OPCML: variants seen among roughly 807,000 people sequenced by gnomAD.
The protein encoded by OPCML is opioid-binding protein/cell adhesion molecule.
OPCML carries 13 observed loss-of-function variants against 37.8 expected under a neutral mutation model. That is an observed-to-expected ratio of 0.34 (90% CI 0.22 to 0.55). The LOEUF (loss-of-function observed/expected upper bound fraction) is 0.55. Ranked by LOEUF, OPCML falls within the 20% of genes least tolerant of loss-of-function variation. The pLI is 0.91. For missense variants in OPCML, 341 were observed against 435.6 expected, an observed-to-expected ratio of 0.78 and a Z score of 1.93; for synonymous variants, 176 against 168.8, an observed-to-expected ratio of 1.04 and a Z score of -0.33.
intron 1 of OPCML, among the ~76,000 whole-genome samples, chr11:133,089,597 T>C (rs1948873394): frequency 6.6e-6 from 1 of 152,212 alleles, no homozygotes; most frequent in Non-Finnish European, 1.5e-5. Flanking sequence ...TTAGTTGTTC[T>C]GGGAGTCACA....
chr11:133,299,590 G>C (rs551219273), intron 1 of OPCML: 24 of 152,340 alleles, frequency 1.6e-4, no homozygotes, highest in African/African-American at 5.8e-4. Flanking sequence ...TTAAAAGTGA[G>C]TTAATACGTA....
Position 132,660,104 on chromosome 11 carries a change from G to A in OPCML, c.147-2785C>T, listed in dbSNP as rs554921893. On this transcript the variant is annotated intron_variant, in intron 2 of 7. Coordinates refer to ENST00000524381, the MANE Select transcript of OPCML (RefSeq NM_001012393.5). Reference sequence around the variant, plus strand: ...TTAAGCAATAATTAAACATGAAAAAGCAAACTTACTAGAAATATAGCTTTT... The same window carrying A: ...TTAAGCAATAATTAAACATGAAAAAACAAACTTACTAGAAATATAGCTTTT... Among the ~76,000 whole-genome samples the A allele has an allele frequency of 5.0e-4, 76 of 152,160 alleles. No homozygotes were observed. In the South Asian group the frequency reaches 0.016, roughly 32 times the overall value.
chr11:132,987,347 T>C (rs558909496), intron 1 of OPCML, among the ~76,000 whole-genome samples: 2 of 152,080 alleles, frequency 1.3e-5, no homozygotes, highest in African/African-American at 4.8e-5. Context: ...AGCTTTCATG[T>C]AGATGTAAGA....
chr11:132,580,624 T>C (rs776282611), intron 3 of OPCML, among the ~76,000 whole-genome samples: 2 of 152,192 alleles, frequency 1.3e-5, no homozygotes, highest in Non-Finnish European at 2.9e-5. Context: ...TTAGTAATTA[T>C]CTAATACTAA....
chr11:133,179,861 G>A (rs1435008483), intron 1 of OPCML, among the ~76,000 whole-genome samples: 1 of 152,180 alleles, frequency 6.6e-6, no homozygotes, highest in East Asian at 1.9e-4. Flanking sequence ...TGTGAGGCTT[G>A]GTGGCAGGAG....
rs560791449 is a variant in OPCML at position 132,746,272 on chromosome 11, T to G, written c.147-88953A>C. 9.2e-5 allele frequency among the ~76,000 whole-genome samples: 14 copies of G among 152,222 alleles called. No homozygotes were observed. The South Asian group carries it at 2.5e-3, about 27-fold the overall frequency. The stretch of plus-strand genomic sequence containing the variant: ...TTCTTTGAACTGTTTGTAAAAGACC[T>G]CTGGTTATTTTTGTTTTTATTTTGT... On this transcript the variant is annotated intron_variant, in intron 2 of 7. Coordinates refer to ENST00000524381, the MANE Select transcript of OPCML (RefSeq NM_001012393.5).
At chr11:132,874,088 C>G (rs1456461056) in intron 2 of OPCML, among the ~76,000 whole-genome samples, 2 of 152,176 alleles carry the variant, frequency 1.3e-5, no homozygotes, top group African/African-American at 4.8e-5. Context: ...TCTGACCATT[C>G]AGGGTTTGGG....
In OPCML at chr11:133,346,833, T is replaced by C. The variant is rs557964455; in HGVS notation, c.61+185431A>G. Among the ~76,000 whole-genome samples the C allele has an allele frequency of 2.6e-5, 4 of 151,694 alleles. No homozygotes were observed. In the South Asian group the frequency reaches 8.3e-4, roughly 32 times the overall value. On this transcript the variant is annotated intron_variant, in intron 1 of 7. Transcript: ENST00000524381. ...TGTTAGCTATGGGGTTTTCTGTGCA[T>C]GTGTGTGTGTGTTTTGTTTTGTTTT...
chr11:132,639,704 G>A (rs1161923363), intron 3 of OPCML, among the ~76,000 whole-genome samples: 6 of 152,226 alleles, frequency 3.9e-5, no homozygotes, highest in Admixed American at 3.9e-4. Context: ...TGCAAAAGTT[G>A]AGCATTGCCT....
intron 1 of OPCML, among the ~76,000 whole-genome samples, chr11:133,168,999 G>A (rs1198744385): frequency 2.0e-5 from 3 of 152,098 alleles, no homozygotes; most frequent in African/African-American, 7.2e-5. Flanking sequence ...GTGTGGTGGT[G>A]CATACCTGTA....
intron 2 of OPCML, among the ~76,000 whole-genome samples, chr11:132,767,238 A>G (rs1946475132): frequency 6.6e-6 from 1 of 152,228 alleles, no homozygotes; most frequent in African/African-American, 2.4e-5. Context: ...AAGAGCAGCC[A>G]AACATATTAG....
chr11:133,392,577 G>A (rs1481122586), intron 1 of OPCML, among the ~76,000 whole-genome samples: 2 of 152,202 alleles, frequency 1.3e-5, no homozygotes, highest in Admixed American at 1.3e-4. Flanking sequence ...CTGAGCCCCA[G>A]CCTGATGCTT....
chr11:132,578,688 G>A (rs2096456073), intron 3 of OPCML, among the ~76,000 whole-genome samples: 1 of 152,164 alleles, frequency 6.6e-6, no homozygotes, highest in South Asian at 2.1e-4. Context: ...CAGTACAAAT[G>A]ATTTTTGAAT....
intron 2 of OPCML, among the ~76,000 whole-genome samples, chr11:132,775,137 G>T (rs1401896387): frequency 2.6e-5 from 4 of 152,208 alleles, no homozygotes; most frequent in Non-Finnish European, 5.9e-5. Flanking sequence ...AAGATAAATT[G>T]TTAACTGGAG....
chr11:133,323,842 A>T (rs1029081960), intron 1 of OPCML, among the ~76,000 whole-genome samples: 1 of 152,208 alleles, frequency 6.6e-6, no homozygotes, highest in African/African-American at 2.4e-5. Context: ...AACTTCATTT[A>T]TGCCCTCTCC....
intron 3 of OPCML, among the ~76,000 whole-genome samples, chr11:132,618,545 C>T (rs866019961): frequency 6.6e-6 from 1 of 152,078 alleles, no homozygotes; most frequent in Non-Finnish European, 1.5e-5. Context: ...TTCTTTTCAC[C>T]TTCACTACCC....
intron 2 of OPCML, among the ~76,000 whole-genome samples, chr11:132,732,794 CA>C (rs1389938233): frequency 4.7e-5 from 7 of 148,018 alleles, no homozygotes; most frequent in Non-Finnish European, 8.8e-5. Flanking sequence ...TTGAATGACA[CA>C]GGTTGAAATA....
intron 1 of OPCML, chr11:133,008,057 G>T (rs11223320): frequency 1.0e-6 from 1 of 985,296 alleles, no homozygotes; most frequent in Non-Finnish European, 1.2e-6. Context: ...CTTGCTGTAC[G>T]GCTACTTGCA....
intron 1 of OPCML, among the ~76,000 whole-genome samples, chr11:133,221,293 A>G (rs1939813855): frequency 6.6e-6 from 1 of 152,176 alleles, no homozygotes; most frequent in African/African-American, 2.4e-5. Flanking sequence ...GTTGGTTCGT[A>G]GGGAAAGCTG....
Sources: gnomAD v4.1 joint callset for allele counts (sites outside exome capture counted in the v4.1 genomes callset) on GRCh38, gnomAD v4.1.1 for gene constraint, MANE v1.5 for transcripts, NCBI Gene and HGNC (gene_info 2026-07-23, HGNC 2026-07-21) for gene names.